APBA1: variants seen among roughly 807,000 people sequenced by gnomAD.
APBA1 encodes the protein amyloid-beta A4 precursor protein-binding family A member 1.
Under a neutral mutation model 86.6 loss-of-function variants are expected in APBA1, and 55 were observed. That is an observed-to-expected ratio of 0.64 (90% confidence interval 0.51 to 0.80). The LOEUF (loss-of-function observed/expected upper bound fraction) is 0.80. Ranked by LOEUF, APBA1 falls within the 30% of genes least tolerant of loss-of-function variation. APBA1 has a pLI of 0.00. For synonymous variants in APBA1, 511 were observed against 493.9 expected, an observed-to-expected ratio of 1.03 and a Z score of -0.46; for missense variants, 1,090 against 1,183.0, an observed-to-expected ratio of 0.92 and a Z score of 1.15.
chr9:69,433,509 A>C (rs1482310242), intron 11 of APBA1, among the ~76,000 whole-genome samples: 1 of 152,224 alleles, frequency 6.6e-6, no homozygotes, highest in African/African-American at 2.4e-5. Flanking sequence ...GGGTCAAAAC[A>C]TTCCTTAGGT....
At chr9:69,648,602 T>C (rs1292013202) in intron 1 of APBA1, among the ~76,000 whole-genome samples, 1 of 152,180 alleles carries the variant, frequency 6.6e-6, no homozygotes, top group African/African-American at 2.4e-5. Flanking sequence ...ACCACCCAGC[T>C]ATTATAGAGC....
chr9:69,649,496 A>T (rs926229963), intron 1 of APBA1, among the ~76,000 whole-genome samples: 3 of 151,726 alleles, frequency 2.0e-5, no homozygotes, highest in Non-Finnish European at 4.4e-5. Context: ...TTCCTGCCAC[A>T]TGCTAGTACC....
chr9:69,567,903 G>C (rs922493405), intron 1 of APBA1, among the ~76,000 whole-genome samples: 2 of 152,122 alleles, frequency 1.3e-5, no homozygotes, highest in South Asian at 2.1e-4. Context: ...CCACAGGTAT[G>C]ATGAGGTGGG....
rs1447664835 is a variant in APBA1, at chr9:69,516,684, T to C, written c.527A>G (p.His176Arg). ...SGYVYTHRLF[H>R]RGEDEPYSEP... ...GGAGTAGGGCTCGTCCTCACCGCGGTGGAAGAGCCGGTGCGTGTAGACGTA... is the reference window on the plus strand; with the variant it reads ...GGAGTAGGGCTCGTCCTCACCGCGGCGGAAGAGCCGGTGCGTGTAGACGTA... Residue 176 changes from histidine (H) to arginine (R), a missense_variant, in exon 2 of 13, where the codon CAC becomes CGC. Around this residue, in one of 6 missense-constraint regions of APBA1, gnomAD observed 678 missense variants for 647.1 expected, o/e 1.05. Coordinates refer to ENST00000265381, the MANE Select transcript of APBA1 (RefSeq NM_001163.4). This position sits in a 1 kb window ranked among gnomAD's most constrained non-coding sequence, Gnocchi z 7.3. The C allele has an allele frequency of 6.2e-7, 1 of 1,610,300 alleles. No individual in the cohort carries two copies. Among genetic ancestry groups the C allele is most frequent in the Non-Finnish European group, 8.5e-7 (1 of 1,179,008 alleles).
rs553732528 is a variant in APBA1 at position 69,617,429 on chromosome 9, A to G, written c.-70+54724T>C. Among the ~76,000 whole-genome samples the G allele has an allele frequency of 2.6e-5, 4 of 152,288 alleles. No homozygotes were observed. The South Asian group carries it at 8.3e-4, about 32-fold the overall frequency. On this transcript the variant is annotated intron_variant, in intron 1 of 12. Transcript: ENST00000265381. ...GTGTAGAAACTAGGCAACTATATTT[A>G]TCCTGGATAATCAATAATGGCAAAT...
At chr9:69,658,650 C>G (rs1428667585) in intron 1 of APBA1, among the ~76,000 whole-genome samples, 3 of 151,742 alleles carry the variant, frequency 2.0e-5, no homozygotes, top group African/African-American at 7.3e-5. Context: ...GGTGATCCAC[C>G]TGCCTTGGCC....
In APBA1 at chr9:69,452,150, T is replaced by C. The variant is rs1564034211; in HGVS notation, c.1940A>G (p.His647Arg). 6.2e-7 allele frequency: 1 copy of C among 1,614,118 alleles called. No individual in the cohort carries two copies. Among genetic ancestry groups the C allele is most frequent in the African/African-American group, 1.3e-5 (1 of 75,040 alleles). ...TQDMYNDDLI[H>R]FSKSENCKDV... Reference sequence around the variant, plus strand: ...TTTACAGTTTTCCGACTTGGAGAAGTGGATCAGGTCATCGTTGTACATGTC... The same window carrying C: ...TTTACAGTTTTCCGACTTGGAGAAGCGGATCAGGTCATCGTTGTACATGTC... Residue 647 changes from histidine to arginine, a missense_variant, in exon 9 of 13, where the codon CAC becomes CGC. His to Arg is a conservative substitution (Grantham distance 29). Coordinates refer to ENST00000265381, the MANE Select transcript of APBA1 (RefSeq NM_001163.4).
intron 1 of APBA1, among the ~76,000 whole-genome samples, chr9:69,592,483 C>T (rs149984048): frequency 1.3e-5 from 2 of 152,286 alleles, no homozygotes; most frequent in Non-Finnish European, 2.9e-5. Context: ...GTATTCCTAG[C>T]AACTTGGGAG....
chr9:69,589,780 T>C (rs1040935056), intron 1 of APBA1, among the ~76,000 whole-genome samples: 2 of 152,208 alleles, frequency 1.3e-5, no homozygotes, highest in African/African-American at 4.8e-5. Flanking sequence ...GGGATTGGCT[T>C]TTCTATTTCT....
At chr9:69,587,274 T>C (rs1484672920) in intron 1 of APBA1, among the ~76,000 whole-genome samples, 1 of 152,246 alleles carries the variant, frequency 6.6e-6, no homozygotes, top group Non-Finnish European at 1.5e-5. Flanking sequence ...GGTTCTGTGA[T>C]GGGCAGGTGC....
intron 1 of APBA1, 118 bp from the exon 2 acceptor site, chr9:69,517,397 A>G (rs1020739246): frequency 1.0e-5 from 11 of 1,051,208 alleles, no homozygotes; most frequent in Non-Finnish European, 1.4e-5. Context: ...GGTCAATTAA[A>G]AAAAGACTGC....
intron 5 of APBA1, among the ~76,000 whole-genome samples, chr9:69,466,201 C>T (rs1054451053): frequency 9.9e-5 from 15 of 152,214 alleles, no homozygotes; most frequent in Middle Eastern, 3.4e-3. Context: ...GCAGCAGGAG[C>T]GGCAGTGAGC....
chr9:69,538,025 C>T (rs2133914492), intron 1 of APBA1, among the ~76,000 whole-genome samples: 1 of 149,940 alleles, frequency 6.7e-6, no homozygotes, highest in East Asian at 1.9e-4. Context: ...TATGGAAAAT[C>T]CTACAAAAGC....
intron 2 of APBA1, among the ~76,000 whole-genome samples, chr9:69,488,960 A>G (rs1835655751): frequency 6.6e-6 from 1 of 152,056 alleles, no homozygotes; most frequent in South Asian, 2.1e-4. Flanking sequence ...ACTACAAACC[A>G]CTGCTCAATG....
At chr9:69,481,512 G>A (rs940687873) in intron 2 of APBA1, among the ~76,000 whole-genome samples, 5 of 151,804 alleles carry the variant, frequency 3.3e-5, no homozygotes, top group Non-Finnish European at 5.9e-5. Flanking sequence ...TCATGGGTAG[G>A]AAGAATCAAT....
intron 3 of APBA1, 101 bp from the exon 4 acceptor site, chr9:69,471,796 G>A (rs1036841220): frequency 6.7e-6 from 6 of 901,466 alleles, no homozygotes; most frequent in Non-Finnish European, 1.0e-5. Flanking sequence ...ATAATCAGTG[G>A]CAGTTACCAA....
chr9:69,523,621 A>C (rs1035702280), intron 1 of APBA1, among the ~76,000 whole-genome samples: 1 of 150,552 alleles, frequency 6.6e-6, no homozygotes, highest in Non-Finnish European at 1.5e-5. Context: ...TTAGCCATAC[A>C]ATAGTAGTAG....
chr9:69,516,482 G>C lies in APBA1; in HGVS notation c.729C>G (p.Asp243Glu). The change falls in exon 2 of 13, where the codon GAC (aspartate) becomes GAG (glutamate). Residue 243 changes from aspartate to glutamate, a missense_variant. Physicochemically the swap from Asp to Glu is conservative, Grantham distance 45. Transcript: ENST00000265381. This position sits in a 1 kb window ranked among gnomAD's most constrained non-coding sequence, Gnocchi z 7.3. ...CCTTCTCGGGGCTGTCGGACTCGCC[G>C]TCGGAGCGCTCGTCGTAATGGTGCA... The part of the protein sequence containing the change: ...ARLHHYDERS[D>E]GESDSPEKEA... 1 of 1,599,832 alleles carries C rather than the reference G, an allele frequency of 6.3e-7. No homozygotes were observed. The highest frequency in any genetic ancestry group is 8.5e-7 in the Non-Finnish European group (1 of 1,178,240).
intron 1 of APBA1, among the ~76,000 whole-genome samples, chr9:69,567,348 G>A (rs1326176389): frequency 1.3e-5 from 2 of 151,858 alleles, no homozygotes; most frequent in African/African-American, 4.8e-5. Context: ...CGCCCCCACC[G>A]CCATGCAACA....
Sources: allele counts gnomAD v4.1 joint callset (sites outside exome capture counted in the v4.1 genomes callset), GRCh38; gene constraint gnomAD v4.1.1; regional missense constraint gnomAD v4.1.1; non-coding constraint Gnocchi (gnomAD v3.1); transcripts MANE v1.5; gene names NCBI Gene and HGNC (gene_info 2026-07-23, HGNC 2026-07-21).